The following ADCYAP1R1 variants were observed in gnomAD, a reference collection of about 807,000 sequenced individuals.
ADCYAP1R1 encodes the protein pituitary adenylate cyclase-activating polypeptide type I receptor.
In ADCYAP1R1, 44 loss-of-function variants were observed where a neutral mutation model predicts 67.6. The observed-to-expected ratio is 0.65, with a 90% CI of 0.51 to 0.84. ADCYAP1R1 has a LOEUF of 0.84. ADCYAP1R1 is among the 40% of genes least tolerant of loss of function. The pLI is 0.00. For synonymous variants in ADCYAP1R1, 222 were observed against 219.6 expected, an observed-to-expected ratio of 1.01 and a Z score of -0.10; for missense variants, 477 against 587.9, an observed-to-expected ratio of 0.81 and a Z score of 1.95.
At chr7:31,068,222 C>T (rs932488499) in intron 3 of ADCYAP1R1, among the ~76,000 whole-genome samples, 9 of 152,098 alleles carry the variant, frequency 5.9e-5, no homozygotes, top group African/African-American at 2.2e-4. Context: ...CGCGCACACA[C>T]ACACACACAC....
chr7:31,091,838 A>T (rs1240276640), intron 12 of ADCYAP1R1, among the ~76,000 whole-genome samples: 1 of 152,058 alleles, frequency 6.6e-6, no homozygotes, highest in Non-Finnish European at 1.5e-5. Flanking sequence ...CTTTATTTTT[A>T]TTGATCAGTT....
At chr7:31,095,568 G>A (rs917852086) in intron 13 of ADCYAP1R1, 9 of 709,098 alleles carry the variant, frequency 1.3e-5, no homozygotes, top group South Asian at 7.4e-5. Context: ...TTCCAGGGCT[G>A]TGCCAGAGTC....
intron 13 of ADCYAP1R1, among the ~76,000 whole-genome samples, chr7:31,098,971 C>G (rs1796326008): frequency 6.6e-6 from 1 of 152,172 alleles, no homozygotes; most frequent in East Asian, 1.9e-4. Context: ...AGTGAAGTAG[C>G]AAGTCTTTTG....
Position 31,084,839 on chromosome 7 carries a change from G to A in ADCYAP1R1, c.536+5G>A. On this transcript the variant is annotated splice_donor_5th_base_variant and intron_variant, in intron 8 of 15. Transcript: ENST00000304166. ...GGTCATCCTTTGTCGCTTCCGGTGAGACCCTCAGCAACATTCAAGCAAGCA... is the reference window on the plus strand; with the variant it reads ...GGTCATCCTTTGTCGCTTCCGGTGAAACCCTCAGCAACATTCAAGCAAGCA... 1 of 1,613,584 alleles carries A rather than the reference G, an allele frequency of 6.2e-7. No individual in the cohort carries two copies. Among genetic ancestry groups the A allele is most frequent in the Non-Finnish European group, 8.5e-7 (1 of 1,179,506 alleles).
At chr7:31,085,237 A>C in intron 8 of ADCYAP1R1, 73 bp from the exon 9 acceptor site, 1 of 1,554,604 alleles carries the variant, frequency 6.4e-7, no homozygotes, top group Non-Finnish European at 8.7e-7. Context: ...TTGGCCCACC[A>C]CAGATGCCCA....
In ADCYAP1R1 at chr7:31,106,567, C is replaced by T. The variant is rs756565940; in HGVS notation, c.1290C>T (p.His430=). ...GTTACTTCGCTGTGGACTTCAAGCACCGACACCCGTCTCTGGCCAGCAGTG... is the reference window on the plus strand; with the variant it reads ...GTTACTTCGCTGTGGACTTCAAGCATCGACACCCGTCTCTGGCCAGCAGTG... ...VNRYFAVDFK[H]RHPSLASSGV... Residue 430 remains histidine (H), a synonymous_variant, in exon 16 of 16, where the codon CAC becomes CAT. Coordinates refer to ENST00000304166, the MANE Select transcript of ADCYAP1R1 (RefSeq NM_001118.5). The T allele has an allele frequency of 1.2e-6, 2 of 1,614,048 alleles. No homozygotes were observed. Among genetic ancestry groups the T allele is most frequent in the Non-Finnish European group, 1.7e-6 (2 of 1,179,932 alleles).
At chr7:31,079,741 A>G (rs191727357) in intron 4 of ADCYAP1R1, among the ~76,000 whole-genome samples, 47 of 152,046 alleles carry the variant, frequency 3.1e-4, no homozygotes, top group Admixed American at 2.6e-3. Flanking sequence ...CTCTGCAGCA[A>G]CACCTCCACC....
chr7:31,084,751 G>A lies in ADCYAP1R1; in HGVS notation c.453G>A (p.Leu151=). The A allele has an allele frequency of 1.9e-6, 3 of 1,614,020 alleles. No homozygotes were observed. Among genetic ancestry groups the A allele is most frequent in the Non-Finnish European group, 2.5e-6 (3 of 1,179,896 alleles). The part of the protein sequence containing the change: ...SETGDQDYYY[L]SVKALYTVGY... ...CTCTGCTTCAGGATTATTACTACCT[G>A]TCAGTGAAGGCCCTCTACACGGTTG... is the stretch of plus-strand genomic sequence containing the variant. The change falls in exon 8 of 16, where the codon CTG becomes CTA. Residue 151 remains leucine, a synonymous_variant. Transcript: ENST00000304166.
chr7:31,058,119 C>T (rs1423409046), intron 1 of ADCYAP1R1, among the ~76,000 whole-genome samples: 1 of 152,212 alleles, frequency 6.6e-6, no homozygotes, highest in Non-Finnish European at 1.5e-5. Flanking sequence ...TCAGAGCTTC[C>T]CACTGTGGGC....
rs751445140 is a variant in ADCYAP1R1 at position 31,080,653 on chromosome 7, G to A, written c.286+20G>A. ...CCATTGGTAAGAGGAACCTTGGTGAGGATAGACCGCTGTCTTTCTGTCCAT... is the reference window on the plus strand; with the variant it reads ...CCATTGGTAAGAGGAACCTTGGTGAAGATAGACCGCTGTCTTTCTGTCCAT... On this transcript the variant is annotated intron_variant, in intron 5 of 15. Coordinates refer to ENST00000304166, the MANE Select transcript of ADCYAP1R1 (RefSeq NM_001118.5). 1.2e-6 allele frequency: 2 copies of A among 1,613,286 alleles called. No individual in the cohort carries two copies. Among genetic ancestry groups the A allele is most frequent in the Non-Finnish European group, 1.7e-6 (2 of 1,179,562 alleles).
intron 1 of ADCYAP1R1, among the ~76,000 whole-genome samples, chr7:31,053,594 T>C (rs567002794): frequency 6.6e-6 from 1 of 152,352 alleles, no homozygotes; most frequent in South Asian, 2.1e-4. Context: ...CACCCCTGGA[T>C]GGAGCTCAGC....
In ADCYAP1R1 at chr7:31,063,244, T is replaced by C. The variant is rs748428005; in HGVS notation, c.-21T>C. 1 of 1,613,934 alleles carries C rather than the reference T, an allele frequency of 6.2e-7. No individual in the cohort carries two copies. The highest frequency in any genetic ancestry group is 8.5e-7 in the Non-Finnish European group (1 of 1,179,790). ...GCCGCTGCTGTCAGTGGGAGGCCAG[T>C]GGTGCTGGCCAAGAAGTGTCATGGC... On this transcript the variant is annotated 5_prime_UTR_variant, in exon 2 of 16. Coordinates refer to ENST00000304166, the MANE Select transcript of ADCYAP1R1 (RefSeq NM_001118.5).
At chr7:31,088,080 C>T (rs1241851126) in intron 12 of ADCYAP1R1, among the ~76,000 whole-genome samples, 1 of 152,180 alleles carries the variant, frequency 6.6e-6, no homozygotes, top group African/African-American at 2.4e-5. Context: ...ATTCATTTCC[C>T]CATTTCATTG....
chr7:31,077,705 ATG>A (rs1795328280), intron 3 of ADCYAP1R1, among the ~76,000 whole-genome samples: 1 of 100,398 alleles, frequency 1.0e-5, no homozygotes, highest in African/African-American at 4.0e-5. Context: ...GGTGTGTGTG[ATG>A]TGTGTGTAAT....
chr7:31,077,886 CTGTGGTGTG>C (rs1562639709), intron 3 of ADCYAP1R1, 96 bp from the exon 4 acceptor site: 1 of 628,616 alleles, frequency 1.6e-6, no homozygotes, highest in Non-Finnish European at 2.7e-6. Flanking sequence ...TGTGTGGTGT[CTGTGGTGTG>C]TGTGGTGTGT....
intron 3 of ADCYAP1R1, among the ~76,000 whole-genome samples, chr7:31,069,821 G>T (rs78344525): frequency 1.3e-5 from 2 of 152,182 alleles, no homozygotes; most frequent in Admixed American, 1.3e-4. Flanking sequence ...AGAGGTGGCC[G>T]TGGGGAGTGA....
At chr7:31,087,532 A>T in intron 11 of ADCYAP1R1, 95 bp from the exon 12 acceptor site, 1 of 1,089,612 alleles carries the variant, frequency 9.2e-7, no homozygotes, top group South Asian at 1.3e-5. Context: ...CGGTGGTGAA[A>T]GTGTCGGGCA....
intron 1 of ADCYAP1R1, among the ~76,000 whole-genome samples, chr7:31,058,324 G>A (rs1794345557): frequency 6.6e-6 from 1 of 152,222 alleles, no homozygotes; most frequent in Non-Finnish European, 1.5e-5. Flanking sequence ...GCTGCCTGAT[G>A]ATGCTATCCT....
intron 12 of ADCYAP1R1, among the ~76,000 whole-genome samples, chr7:31,091,503 A>G (rs1795958083): frequency 6.6e-6 from 1 of 152,182 alleles, no homozygotes; most frequent in Non-Finnish European, 1.5e-5. Flanking sequence ...TATGTCCAGA[A>G]TGGTGGTTCC....
Sources: gnomAD v4.1 joint callset for allele counts (sites outside exome capture counted in the v4.1 genomes callset) on GRCh38, gnomAD v4.1.1 for gene constraint, MANE v1.5 for transcripts, NCBI Gene and HGNC (gene_info 2026-07-23, HGNC 2026-07-21) for gene names.